PCDHA12: variants seen among roughly 807,000 people sequenced by gnomAD.
The protein encoded by PCDHA12 is protocadherin alpha-12.
In PCDHA12, 44 loss-of-function variants were observed where a neutral mutation model predicts 60.0. The ratio of observed to expected loss-of-function variants is 0.73; its 90% CI spans 0.58 to 0.94. The LOEUF is 0.94. PCDHA12 is among the 40% of genes least tolerant of loss of function. PCDHA12 has a pLI of 0.00. For synonymous variants in PCDHA12, 569 were observed against 553.0 expected (o/e 1.03, Z -0.40); for missense variants, 1,276 against 1,239.7 (o/e 1.03, Z -0.44).
chr5:141,000,393 CTCTATATA>C (rs1486021873), intron 3 of PCDHA12, among the ~76,000 whole-genome samples: 100 of 52,828 alleles, frequency 1.9e-3, no homozygotes, highest in Middle Eastern at 0.012. Context: ...CTCTCTCTCT[CTCTATATA>C]TATATATATA....
chr5:140,968,996 G>A, intron 1 of PCDHA12: 1 of 1,614,202 alleles, frequency 6.2e-7, no homozygotes, highest in Non-Finnish European at 8.5e-7. Flanking sequence ...ATGCTGTGGA[G>A]GCTTCTGTGG....
chr5:140,992,460 G>T (rs1554252924), intron 3 of PCDHA12, among the ~76,000 whole-genome samples: 1 of 152,170 alleles, frequency 6.6e-6, no homozygotes, highest in African/African-American at 2.4e-5. Context: ...GCAGAGGACA[G>T]TACTCTTTAG....
At chr5:140,987,211 C>A (rs1190567678) in intron 3 of PCDHA12, among the ~76,000 whole-genome samples, 1 of 145,070 alleles carries the variant, frequency 6.9e-6, no homozygotes, top group South Asian at 2.1e-4. Flanking sequence ...GAGACTCCAT[C>A]TCAAAAAAAA....
At position 140,981,034 on chromosome 5, in the gene PCDHA12, A is replaced by G. The variant is rs376817771; in HGVS notation, c.2427-1441A>G. ...ACTTGAAGGCTGTTAATATTTGGGGAAAAAAAACAGATAATTCTAGAGTGT... is the reference window on the plus strand; with the variant it reads ...ACTTGAAGGCTGTTAATATTTGGGGGAAAAAAACAGATAATTCTAGAGTGT... On this transcript the variant is annotated intron_variant, in intron 2 of 3. Transcript: ENST00000398631. Among the ~76,000 whole-genome samples, 183 of 149,642 alleles carry G rather than the reference A, an allele frequency of 1.2e-3. 1 individual carries two copies. Among genetic ancestry groups the G allele is most frequent in the African/African-American group, 4.1e-3 (163 of 39,298 alleles).
intron 1 of PCDHA12, chr5:140,966,814 C>T: frequency 1.9e-6 from 3 of 1,552,444 alleles, no homozygotes; most frequent in East Asian, 2.4e-5. Context: ...ATCCACGGCT[C>T]CGGCGGCCCA....
intron 1 of PCDHA12, among the ~76,000 whole-genome samples, chr5:140,971,333 G>A (rs1015985935): frequency 6.6e-6 from 1 of 152,194 alleles, no homozygotes. Context: ...AATTATTTCA[G>A]AAAGTGCTTG....
At chr5:141,005,769 G>A (rs1421440870) in intron 3 of PCDHA12, among the ~76,000 whole-genome samples, 3 of 129,926 alleles carry the variant, frequency 2.3e-5, no homozygotes, top group Non-Finnish European at 4.9e-5. Context: ...AAGCAAACCA[G>A]ATGTGTAAAG....
chr5:140,900,586 AC>A (rs1554189274), intron 1 of PCDHA12, among the ~76,000 whole-genome samples: 1 of 151,926 alleles, frequency 6.6e-6, no homozygotes, highest in African/African-American at 2.4e-5. Flanking sequence ...CATTTTCTTT[AC>A]CCGTTCATCT....
chr5:140,876,964 C>G lies in PCDHA12; in HGVS notation c.1492C>G (p.Arg498Gly). The G allele has an allele frequency of 1.2e-6, 2 of 1,613,060 alleles. No individual in the cohort carries two copies. The highest frequency in any genetic ancestry group is 1.7e-6 in the Non-Finnish European group (2 of 1,179,806). The part of the protein sequence containing the change: ...ALVSYSLVER[R>G]VGEHALSSYV... ...GGTGTCCTACTCGCTGGTGGAGCGG[C>G]GGGTGGGCGAGCACGCACTGTCGAG... Residue 498 changes from arginine to glycine, a missense_variant, in exon 1 of 4, where the codon CGG becomes GGG. By Grantham distance (125) the Arg-to-Gly change is moderately radical. Coordinates refer to ENST00000398631, the MANE Select transcript of PCDHA12 (RefSeq NM_018903.4).
chr5:140,921,715 G>A (rs1313930887), intron 1 of PCDHA12, among the ~76,000 whole-genome samples: 9 of 152,080 alleles, frequency 5.9e-5, no homozygotes, highest in African/African-American at 1.7e-4. Flanking sequence ...GTAAACACAC[G>A]AATTACTCCC....
rs376513441 is a variant in PCDHA12, at chr5:140,877,350, G to A, written c.1878G>A (p.Leu626=). 2 of 1,613,896 alleles carry A rather than the reference G, an allele frequency of 1.2e-6. No homozygotes were observed. Among genetic ancestry groups the A allele is most frequent in the African/African-American group, 1.3e-5 (1 of 74,926 alleles). ...VGAHIPFHVG[L]YTGEISTTRI... is the part of the protein sequence containing the mutation. The stretch of plus-strand genomic sequence containing the variant: ...CGCACATCCCGTTCCACGTGGGGCT[G>A]TACACTGGCGAGATCAGCACGACAC... Residue 626 remains leucine (L), a synonymous_variant, in exon 1 of 4, where the codon CTG becomes CTA. Coordinates refer to ENST00000398631, the MANE Select transcript of PCDHA12 (RefSeq NM_018903.4).
intron 1 of PCDHA12, among the ~76,000 whole-genome samples, chr5:140,898,193 A>G (rs1352716396): frequency 1.7e-4 from 26 of 152,114 alleles, no homozygotes; most frequent in African/African-American, 5.3e-4. Flanking sequence ...CTTTAGTTTA[A>G]TTAGATCCCA....
chr5:140,897,435 A>G (rs1382805623), intron 1 of PCDHA12, among the ~76,000 whole-genome samples: 1 of 147,702 alleles, frequency 6.8e-6, no homozygotes, highest in Non-Finnish European at 1.5e-5. Flanking sequence ...GAGAACATGC[A>G]GTGTTTGGTT....
intron 1 of PCDHA12, among the ~76,000 whole-genome samples, chr5:140,937,123 C>T (rs1255527159): frequency 1.3e-5 from 2 of 151,390 alleles, no homozygotes; most frequent in Non-Finnish European, 2.9e-5. Context: ...CTGCAAGCTC[C>T]GCCTCCCGGG....
At chr5:140,883,904 G>C in intron 1 of PCDHA12, 1 of 1,613,344 alleles carries the variant, frequency 6.2e-7, no homozygotes, top group Non-Finnish European at 8.5e-7. Context: ...GCCGCCTCTG[G>C]GCAGCAACGT....
chr5:140,959,085 G>A (rs1286885776), intron 1 of PCDHA12, among the ~76,000 whole-genome samples: 8 of 151,980 alleles, frequency 5.3e-5, no homozygotes, highest in African/African-American at 1.9e-4. Flanking sequence ...ATTATCCTTG[G>A]TTTCGGACAT....
At chr5:140,969,037 C>A (rs1554231375) in intron 1 of PCDHA12, 6 of 1,614,158 alleles carry the variant, frequency 3.7e-6, no homozygotes, top group Non-Finnish European at 5.1e-6. Flanking sequence ...CAGAACTGTA[C>A]AAACAAGCCA....
At chr5:140,884,547 C>T (rs1554181712) in intron 1 of PCDHA12, 5 of 1,614,214 alleles carry the variant, frequency 3.1e-6, no homozygotes, top group Admixed American at 1.7e-5. Context: ...AGGGTGTGCT[C>T]TGGGGAGGGC....
In PCDHA12 at chr5:141,010,200, C is replaced by T. The variant is rs1356287133; in HGVS notation, c.*263C>T. On this transcript the variant is annotated 3_prime_UTR_variant, in exon 4 of 4. Coordinates refer to ENST00000398631, the MANE Select transcript of PCDHA12 (RefSeq NM_018903.4). ...AGCAGACCCAAGTTTCCTTTCTCCTCCGCCGCAAAGGAGAGGCTTCCCAGC... is the reference window on the plus strand; with the variant it reads ...AGCAGACCCAAGTTTCCTTTCTCCTTCGCCGCAAAGGAGAGGCTTCCCAGC... The T allele has an allele frequency of 1.3e-6, 2 of 1,551,984 alleles. No individual in the cohort carries two copies. Among genetic ancestry groups the T allele is most frequent in the African/African-American group, 2.7e-5 (2 of 73,038 alleles).
Sources: allele counts gnomAD v4.1 joint callset (sites outside exome capture counted in the v4.1 genomes callset), GRCh38; gene constraint gnomAD v4.1.1; transcripts MANE v1.5; gene names NCBI Gene and HGNC (gene_info 2026-07-23, HGNC 2026-07-21).